Variants in STAU2 observed in about 807,000 individuals in gnomAD.
The protein encoded by STAU2 is double-stranded RNA-binding protein Staufen homolog 2.
STAU2 carries 20 observed loss-of-function variants against 65.9 expected under a neutral mutation model. That is an observed-to-expected ratio of 0.30 (90% CI 0.21 to 0.44). The LOEUF is 0.44. Ranked by LOEUF, STAU2 falls within the 20% of genes least tolerant of loss-of-function variation. The pLI is 1.00. For missense variants in STAU2, 558 were observed against 683.9 expected (o/e 0.82, Z 2.05); for synonymous variants, 232 against 233.9 (o/e 0.99, Z 0.07).
intron 6 of STAU2, among the ~76,000 whole-genome samples, chr8:73,665,832 G>A (rs973874260): frequency 4.6e-5 from 7 of 152,102 alleles, no homozygotes; most frequent in African/African-American, 1.4e-4. Context: ...TCAAGTCCCT[G>A]ATATAAAATA....
chr8:73,437,857 C>T (rs186100179), intron 13 of STAU2, among the ~76,000 whole-genome samples: 5 of 152,006 alleles, frequency 3.3e-5, no homozygotes, highest in Admixed American at 2.0e-4. Context: ...GTGGCCTCTT[C>T]GCAGCAGGAT....
In STAU2 at chr8:73,746,791, CGG is replaced by C. The variant is rs1464742054; in HGVS notation, c.-207_-206del. Reference sequence around the variant, plus strand: ...CCGATGAGGGTATTTACCTTCTTGCCGGGGACACTTTGCAGACGGCTCCAACA... The same window carrying C: ...CCGATGAGGGTATTTACCTTCTTGCCGGACACTTTGCAGACGGCTCCAACA... On this transcript the variant is annotated 5_prime_UTR_variant, in exon 1 of 15. It introduces an in-frame stop codon into an upstream open reading frame of the 5' UTR. Transcript: ENST00000524300. The C allele has an allele frequency of 2.4e-6, 3 of 1,232,094 alleles. No individual in the cohort carries two copies. In the African/African-American group the frequency reaches 4.7e-5, roughly 19 times the overall value. 76.3% of individuals were successfully genotyped at this position (1,232,094 alleles called of 1,614,324 possible).
chr8:73,528,100 G>A (rs1217307279), intron 13 of STAU2, among the ~76,000 whole-genome samples: 1 of 152,070 alleles, frequency 6.6e-6, no homozygotes. Context: ...TATAATACAT[G>A]ATCCATAAAG....
At chr8:73,502,163 G>T (rs756273552) in intron 13 of STAU2, among the ~76,000 whole-genome samples, 1 of 151,578 alleles carries the variant, frequency 6.6e-6, no homozygotes, top group Non-Finnish European at 1.5e-5. Flanking sequence ...CATATTTTAG[G>T]ATATATGTTC....
chr8:73,483,585 T>C (rs960855694), intron 13 of STAU2, among the ~76,000 whole-genome samples: 1 of 152,106 alleles, frequency 6.6e-6, no homozygotes. Flanking sequence ...ATTTCAGTAA[T>C]TGAACATAAA....
chr8:73,497,546 G>A (rs1226883240), intron 13 of STAU2, among the ~76,000 whole-genome samples: 1 of 151,664 alleles, frequency 6.6e-6, no homozygotes, highest in East Asian at 1.9e-4. Context: ...TGAGAAAAAT[G>A]TATAAACTAT....
intron 13 of STAU2, among the ~76,000 whole-genome samples, chr8:73,500,962 T>C (rs1448540618): frequency 1.3e-5 from 2 of 151,872 alleles, no homozygotes; most frequent in Admixed American, 6.6e-5. Flanking sequence ...ACTTTACTCA[T>C]TTCAAAATGT....
chr8:73,574,681 C>G (rs1246524203), intron 12 of STAU2, among the ~76,000 whole-genome samples: 1 of 152,150 alleles, frequency 6.6e-6, no homozygotes, highest in African/African-American at 2.4e-5. Context: ...ACTGCATGTT[C>G]TCACTCATAG....
chr8:73,443,911 C>T (rs1818330646), intron 13 of STAU2, among the ~76,000 whole-genome samples: 2 of 151,572 alleles, frequency 1.3e-5, no homozygotes. Flanking sequence ...AGTTAGCTAA[C>T]TGCTAAACAA....
At chr8:73,662,327 AT>A (rs1232572223) in intron 6 of STAU2, among the ~76,000 whole-genome samples, 1 of 151,956 alleles carries the variant, frequency 6.6e-6, no homozygotes, top group African/African-American at 2.4e-5. Flanking sequence ...TTGCTTTTTC[AT>A]TTTGTAAAAA....
chr8:73,719,048 T>C (rs1821456689), intron 3 of STAU2, among the ~76,000 whole-genome samples: 1 of 152,192 alleles, frequency 6.6e-6, no homozygotes, highest in African/African-American at 2.4e-5. Context: ...GGCTAGAACC[T>C]CCACGGCAAC....
chr8:73,701,822 T>C (rs1820125000), intron 4 of STAU2, among the ~76,000 whole-genome samples: 1 of 152,188 alleles, frequency 6.6e-6, no homozygotes, highest in African/African-American at 2.4e-5. Flanking sequence ...AGATTTCGAA[T>C]CAACCTAAGT....
intron 7 of STAU2, 153 bp from the exon 8 acceptor site, chr8:73,615,935 A>C (rs537274775): frequency 1.9e-6 from 1 of 534,658 alleles, no homozygotes; most frequent in South Asian, 2.9e-5. Flanking sequence ...ACAGCGGTCA[A>C]GGGCTTTGCT....
intron 13 of STAU2, among the ~76,000 whole-genome samples, chr8:73,535,890 A>G (rs1028836998): frequency 6.6e-6 from 1 of 152,202 alleles, no homozygotes; most frequent in Non-Finnish European, 1.5e-5. Context: ...ATTGTATTGA[A>G]TATCACTTCA....
Position 73,538,878 on chromosome 8 carries a change from T to C in STAU2, c.1530+13134A>G, listed in dbSNP as rs577638937. Among the ~76,000 whole-genome samples the C allele has an allele frequency of 4.6e-5, 7 of 152,304 alleles. No homozygotes were observed. In the East Asian group the frequency reaches 1.3e-3, roughly 29 times the overall value. Reference sequence around the variant, plus strand: ...GTTCTTTTTTAGATAGTCCTATTTTTACTCTAAGAAAGCATTTCTACCACT... The same window carrying C: ...GTTCTTTTTTAGATAGTCCTATTTTCACTCTAAGAAAGCATTTCTACCACT... On this transcript the variant is annotated intron_variant, in intron 13 of 14. Transcript: ENST00000524300.
intron 6 of STAU2, among the ~76,000 whole-genome samples, chr8:73,636,950 A>G (rs79370150): frequency 0.029 from 4,390 of 151,886 alleles, 180 homozygotes; most frequent in African/African-American, 0.097. Flanking sequence ...AAATGTATGG[A>G]GAATTTCAGC....
chr8:73,437,142 T>C (rs554997340), intron 13 of STAU2, among the ~76,000 whole-genome samples: 1 of 152,300 alleles, frequency 6.6e-6, no homozygotes, highest in South Asian at 2.1e-4. Flanking sequence ...AGGAGTTCTG[T>C]TGTGGGCAGG....
chr8:73,582,876 T>TA, intron 11 of STAU2, 46 bp from the exon 12 acceptor site: 4 of 1,552,430 alleles, frequency 2.6e-6, no homozygotes, highest in African/African-American at 2.8e-5. Context: ...ACAAGCTTAT[T>TA]CAAAAAGAAA....
chr8:73,652,509 C>G (rs1336156992), intron 6 of STAU2: 1 of 151,990 alleles, frequency 6.6e-6, no homozygotes, highest in Non-Finnish European at 1.5e-5. Flanking sequence ...AGTTCCAAGA[C>G]CAGCCTGGCC....
Sources: gnomAD v4.1 joint callset for allele counts (sites outside exome capture counted in the v4.1 genomes callset) on GRCh38, gnomAD v4.1.1 for gene constraint, MANE v1.5 for transcripts, NCBI Gene and HGNC (gene_info 2026-07-23, HGNC 2026-07-21) for gene names.